The following MSRA variants were observed in gnomAD, a reference collection of about 807,000 sequenced individuals.
MSRA encodes the protein mitochondrial peptide methionine sulfoxide reductase.
Under a neutral mutation model 31.3 loss-of-function variants are expected in MSRA, and 54 were observed. The ratio of observed to expected loss-of-function variants is 1.73; its 90% CI spans 1.39 to 2.17. The LOEUF is 2.17. Among genes scored for constraint, MSRA ranks in the 30% most tolerant of loss-of-function variants. The pLI is 0.00. For synonymous variants in MSRA, 169 were observed against 116.5 expected (o/e 1.45, Z -2.90); for missense variants, 507 against 300.9 (o/e 1.69, Z -5.07).
chr8:10,201,805 C>G (rs1362550907), intron 1 of MSRA, among the ~76,000 whole-genome samples: 1 of 152,232 alleles, frequency 6.6e-6, no homozygotes, highest in Non-Finnish European at 1.5e-5. Context: ...ACTGCGCTCT[C>G]AAGATGAATG....
chr8:10,325,362 A>G (rs1488599509), intron 5 of MSRA, among the ~76,000 whole-genome samples: 6 of 152,016 alleles, frequency 3.9e-5, no homozygotes, highest in Admixed American at 3.9e-4. Context: ...ATATAGCTAT[A>G]TAATAATAAT....
chr8:10,314,271 A>C (rs1271061230), intron 4 of MSRA, among the ~76,000 whole-genome samples: 1 of 152,210 alleles, frequency 6.6e-6, no homozygotes, highest in Non-Finnish European at 1.5e-5. Context: ...ATATTTGATA[A>C]AGGATTAGTA....
intron 5 of MSRA, among the ~76,000 whole-genome samples, chr8:10,333,757 C>T (rs1388619603): frequency 6.6e-6 from 1 of 151,484 alleles, no homozygotes; most frequent in East Asian, 2.0e-4. Flanking sequence ...GCTTGGCTTG[C>T]ATCTCGTTTC....
chr8:10,337,492 T>C lies in MSRA; in HGVS notation c.543+17503T>C, dbSNP rs1585514116. 1.3e-5 allele frequency: 7 copies of C among 547,892 alleles called. No individual in the cohort carries two copies. In the East Asian group the frequency reaches 2.2e-4, roughly 17 times the overall value. The allele number at this position is 547,892 out of a possible 1,614,324, so 33.9% of individuals were successfully genotyped here. A position where few individuals can be genotyped will look rare whatever the true frequency, so the allele number is the denominator to read the frequency against. ...CCACGCCCGGCCAAGCCTATGTCGC[T>C]TTTAAGATGAATCCAAAAAGACTGT... On this transcript the variant is annotated intron_variant, in intron 5 of 5. Transcript: ENST00000317173.
chr8:10,244,025 A>G (rs1797475972), intron 2 of MSRA, among the ~76,000 whole-genome samples: 1 of 152,192 alleles, frequency 6.6e-6, no homozygotes, highest in African/African-American at 2.4e-5. Context: ...AGAGTAGAAT[A>G]TTAAAGAGTG....
intron 4 of MSRA, among the ~76,000 whole-genome samples, chr8:10,311,760 C>CA (rs1182904876): frequency 1.3e-5 from 2 of 151,712 alleles, no homozygotes; most frequent in African/African-American, 2.4e-5. Context: ...CAAGAAATTT[C>CA]AAAAAAACTA....
intron 5 of MSRA, among the ~76,000 whole-genome samples, chr8:10,421,637 C>T (rs376124037): frequency 6.6e-6 from 1 of 152,150 alleles, no homozygotes; most frequent in South Asian, 2.1e-4. Context: ...ACCAGAAAGG[C>T]TCTTTACTGG....
At chr8:10,294,978 A>G (rs1800454303) in intron 3 of MSRA, among the ~76,000 whole-genome samples, 1 of 152,094 alleles carries the variant, frequency 6.6e-6, no homozygotes, top group African/African-American at 2.4e-5. Context: ...TGAAACTGGG[A>G]GGTTGCTGAG....
chr8:10,081,521 A>G (rs12550614), intron 1 of MSRA, among the ~76,000 whole-genome samples: 80,247 of 151,552 alleles, frequency 0.53, 23,138 homozygotes, highest in Middle Eastern at 0.66. Context: ...TTGGAGTCTT[A>G]CTCTGTCACC....
At chr8:10,335,591 G>C (rs1225563346) in intron 5 of MSRA, among the ~76,000 whole-genome samples, 1 of 152,168 alleles carries the variant, frequency 6.6e-6, no homozygotes, top group Non-Finnish European at 1.5e-5. Context: ...TCTTGTACCT[G>C]GTCAAACAGG....
intron 5 of MSRA, among the ~76,000 whole-genome samples, chr8:10,374,204 A>G (rs1462065626): frequency 6.6e-6 from 1 of 152,208 alleles, no homozygotes; most frequent in Non-Finnish European, 1.5e-5. Context: ...TGTGGAGTTT[A>G]TGAGAAGCAA....
rs76389528 is a variant in MSRA at position 10,069,076 on chromosome 8, C to T, written c.142+14418C>T. ...TTTGTGATTTCAAATTCCAGTTGTT[C>T]GTTGCTGGTATAGGAAGGCAATAAT... On this transcript the variant is annotated intron_variant, in intron 1 of 5. Transcript: ENST00000317173. Among the ~76,000 whole-genome samples the T allele has an allele frequency of 7.8e-3, 1,193 of 152,208 alleles. 13 individuals are homozygous for T. Among genetic ancestry groups the T allele is most frequent in the African/African-American group, 0.027 (1,131 of 41,516 alleles).
intron 1 of MSRA, among the ~76,000 whole-genome samples, chr8:10,072,692 G>A (rs994669286): frequency 6.6e-5 from 10 of 152,210 alleles, no homozygotes; most frequent in African/African-American, 2.4e-4. Context: ...AGGGACAATT[G>A]ATGTCTTTAT....
At chr8:10,304,332 ATAAT>A (rs1239201964) in intron 4 of MSRA, among the ~76,000 whole-genome samples, 1 of 152,272 alleles carries the variant, frequency 6.6e-6, no homozygotes, top group African/African-American at 2.4e-5. Flanking sequence ...CAGGAAGAAA[ATAAT>A]TAATTCCAAT....
chr8:10,412,915 T>A (rs946222420), intron 5 of MSRA, among the ~76,000 whole-genome samples: 1 of 152,212 alleles, frequency 6.6e-6, no homozygotes, highest in Non-Finnish European at 1.5e-5. Context: ...TGGAAAACCA[T>A]TGGAAATTTC....
chr8:10,240,766 T>G (rs1256853641), intron 2 of MSRA, among the ~76,000 whole-genome samples: 1 of 152,132 alleles, frequency 6.6e-6, no homozygotes, highest in Admixed American at 6.5e-5. Flanking sequence ...AGAGTAAGGC[T>G]GCAGTGGAGC....
At chr8:10,351,465 G>A (rs189295358) in intron 5 of MSRA, among the ~76,000 whole-genome samples, 26 of 152,124 alleles carry the variant, frequency 1.7e-4, no homozygotes, top group Middle Eastern at 3.4e-3. Context: ...TGTTGACCAG[G>A]ATGGTCTCGG....
chr8:10,095,319 G>A (rs553468811), intron 1 of MSRA, among the ~76,000 whole-genome samples: 4 of 152,104 alleles, frequency 2.6e-5, no homozygotes, highest in African/African-American at 4.8e-5. Flanking sequence ...TTATTGCTCC[G>A]GGAACATGTT....
At chr8:10,405,771 C>G (rs1163027869) in intron 5 of MSRA, among the ~76,000 whole-genome samples, 1 of 49,802 alleles carries the variant, frequency 2.0e-5, no homozygotes, top group East Asian at 4.3e-4. Context: ...TCACACACAC[C>G]TATGTGCTCA....
Sources: allele counts gnomAD v4.1 joint callset (sites outside exome capture counted in the v4.1 genomes callset), GRCh38; gene constraint gnomAD v4.1.1; transcripts MANE v1.5; gene names NCBI Gene and HGNC (gene_info 2026-07-23, HGNC 2026-07-21).